Variants in NCLN observed in about 807,000 individuals in gnomAD.
The protein encoded by NCLN is BOS complex subunit NCLN.
Under a neutral mutation model 69.5 loss-of-function variants are expected in NCLN, and 34 were observed. The observed-to-expected ratio is 0.49, with a 90% CI of 0.37 to 0.65. The LOEUF (loss-of-function observed/expected upper bound fraction) is 0.65. NCLN is among the 30% of genes least tolerant of loss of function. The probability of loss-of-function intolerance (pLI) is 0.00; values close to 1 mark genes in which losing one functional copy is unlikely to be tolerated. For synonymous variants in NCLN, 393 were observed against 358.3 expected, an observed-to-expected ratio of 1.10 and a Z score of -1.09; for missense variants, 710 against 804.8, an observed-to-expected ratio of 0.88 and a Z score of 1.42.
chr19:3,196,037 T>C, intron 3 of NCLN, 146 bp from the exon 4 acceptor site: 1 of 515,580 alleles, frequency 1.9e-6, no homozygotes, highest in South Asian at 2.8e-5. Context: ...ACGGGCATCC[T>C]GTGGTATCGA....
chr19:3,199,912 G>T (rs2052700158), intron 5 of NCLN, among the ~76,000 whole-genome samples: 1 of 151,814 alleles, frequency 6.6e-6, no homozygotes, highest in South Asian at 2.1e-4. Context: ...ACGTTAGCCA[G>T]GATGGTCTCG....
At chr19:3,203,312 A>AG (rs1258973838) in intron 6 of NCLN, among the ~76,000 whole-genome samples, 4 of 152,028 alleles carry the variant, frequency 2.6e-5, no homozygotes, top group African/African-American at 4.8e-5. Flanking sequence ...CCGTCCCAAA[A>AG]GAAAAAAAAA....
intron 1 of NCLN, among the ~76,000 whole-genome samples, chr19:3,191,296 C>T (rs535776861): frequency 6.6e-6 from 1 of 152,236 alleles, no homozygotes; most frequent in South Asian, 2.1e-4. Context: ...AAACCAGAAG[C>T]CCTGGCGAGT....
In NCLN at chr19:3,206,394, G is replaced by A. The variant is rs200188235; in HGVS notation, c.1468G>A (p.Val490Met). The A allele has an allele frequency of 2.2e-5, 34 of 1,547,976 alleles. No homozygotes were observed. In the East Asian group the frequency reaches 4.6e-4, roughly 21 times the overall value. ...EHHLSRYLKDVKQHHVKADKR... is the reference protein window; with the variant it reads ...EHHLSRYLKDMKQHHVKADKR... The stretch of plus-strand genomic sequence containing the variant: ...CCACCTGAGCCGCTACCTGAAGGAC[G>A]TGAAGCAGCACCACGTCAAGGCTGA... The change falls in exon 12 of 15, where the codon GTG (valine) becomes ATG (methionine). Residue 490 changes from valine to methionine, a missense_variant. Transcript: ENST00000246117.
intron 6 of NCLN, 121 bp downstream of exon 6, chr19:3,201,747 C>T: frequency 1.2e-6 from 1 of 821,334 alleles, no homozygotes; most frequent in Non-Finnish European, 1.8e-6. Flanking sequence ...TGGGCCTGAG[C>T]CCAGGAATTG....
In NCLN at chr19:3,192,637, G is replaced by A. The variant is rs778733140; in HGVS notation, c.352G>A (p.Ala118Thr). Residue 118 changes from alanine (A) to threonine (T), a missense_variant, in exon 2 of 15, where the codon GCC (alanine) becomes ACC (threonine). Ala to Thr is a moderately conservative substitution (Grantham distance 58, BLOSUM62 0). Coordinates refer to ENST00000246117, the MANE Select transcript of NCLN (RefSeq NM_020170.4). ...VVIILPRAMA[A>T]VPQDVVRQFM... ...CATCATCCTGCCCAGGGCCATGGCC[G>A]CCGTGCCCCAGGACGTCGTCCGGGT... is the stretch of plus-strand genomic sequence containing the variant. The A allele has an allele frequency of 6.7e-5, 106 of 1,570,472 alleles. No individual in the cohort carries two copies. Among genetic ancestry groups the A allele is most frequent in the Middle Eastern group, 5.5e-4 (3 of 5,476 alleles).
chr19:3,204,110 C>T lies in NCLN; in HGVS notation c.995C>T (p.Thr332Ile), dbSNP rs139955781. ...LHVSKPPREG[T>I]LQHAFLRELE... ...GTGTCCAAGCCGCCTCGGGAGGGCA[C>T]CCTGCAGCACGCCTTCCTGCGGGAG... Residue 332 changes from threonine (T) to isoleucine (I), a missense_variant, in exon 8 of 15, where the codon ACC becomes ATC. Transcript: ENST00000246117. The T allele has an allele frequency of 7.9e-6, 12 of 1,521,634 alleles. No individual in the cohort carries two copies. The African/African-American group carries it at 1.3e-4, about 16-fold the overall frequency. The allele number at this position is 1,521,634 out of a possible 1,614,324, so 94.3% of individuals were successfully genotyped here. A position where few individuals can be genotyped will look rare whatever the true frequency, so the allele number is the denominator to read the frequency against.
chr19:3,204,776 C>T (rs1421601732), intron 9 of NCLN, 25 bp downstream of exon 9: 10 of 1,440,830 alleles, frequency 6.9e-6, no homozygotes, highest in Non-Finnish European at 9.1e-6. Context: ...ACCTGCCCGG[C>T]CCCTCCTAGG....
At chr19:3,189,205 G>A (rs1053471789) in intron 1 of NCLN, among the ~76,000 whole-genome samples, 1 of 152,216 alleles carries the variant, frequency 6.6e-6, no homozygotes, top group Non-Finnish European at 1.5e-5. Context: ...TCTCGGCTCG[G>A]TGGCCGTTCA....
Position 3,207,694 on chromosome 19 carries a change from C to T in NCLN, c.*6C>T. The T allele has an allele frequency of 6.2e-7, 1 of 1,609,910 alleles. No homozygotes were observed. The highest frequency in any genetic ancestry group is 8.5e-7 in the Non-Finnish European group (1 of 1,177,430). ...TGAAGGCCAAGACACAGTGACACAG[C>T]CACCCCCACAGCCGGAGCCCCCGCC... On this transcript the variant is annotated 3_prime_UTR_variant, in exon 15 of 15. Coordinates refer to ENST00000246117, the MANE Select transcript of NCLN (RefSeq NM_020170.4).
Position 3,205,814 on chromosome 19 carries a change from T to C in NCLN, c.1209-125T>C, listed in dbSNP as rs755376671. 1.2e-5 allele frequency: 9 copies of C among 756,400 alleles called. No homozygotes were observed. The African/African-American group carries it at 1.3e-4, about 11-fold the overall frequency. 46.9% of individuals were successfully genotyped at this position (756,400 alleles called of 1,614,324 possible). ...CCAAGTAGTTAAAGCTAAGCTTAAT[T>C]TTTTTTTTTTTTTAAAGACAGAGTC... On this transcript the variant is annotated intron_variant, in intron 9 of 14. Transcript: ENST00000246117. This position sits in a 1 kb window ranked among gnomAD's most constrained non-coding sequence, Gnocchi z 4.6.
chr19:3,186,699 G>T (rs1366864896), intron 1 of NCLN, among the ~76,000 whole-genome samples: 1 of 152,182 alleles, frequency 6.6e-6, no homozygotes, highest in Non-Finnish European at 1.5e-5. Context: ...ACTGGGTCAC[G>T]TCCGTGTTCC....
rs2144923889 is a variant in NCLN at position 3,208,412 on chromosome 19, A to T, written c.*724A>T. 1 of 145,956 alleles carries T rather than the reference A, an allele frequency of 6.9e-6. No individual in the cohort carries two copies. The highest frequency in any genetic ancestry group is 2.6e-5 in the African/African-American group (1 of 38,824). 9.0% of individuals were successfully genotyped at this position (145,956 alleles called of 1,614,324 possible). A position where few individuals can be genotyped will look rare whatever the true frequency, so the allele number is the denominator to read the frequency against. On this transcript the variant is annotated 3_prime_UTR_variant, in exon 15 of 15. Coordinates refer to ENST00000246117, the MANE Select transcript of NCLN (RefSeq NM_020170.4). The stretch of plus-strand genomic sequence containing the variant: ...CCCCTGCCTCCCCGACCCCCGACCC[A>T]CTGCAAATCCCCGTTCCCCTGCACT...
chr19:3,207,196 A>G lies in NCLN; in HGVS notation c.1500-2A>G. 2.5e-6 allele frequency: 4 copies of G among 1,613,648 alleles called. No individual in the cohort carries two copies. Among genetic ancestry groups the G allele is most frequent in the Non-Finnish European group, 3.4e-6 (4 of 1,180,006 alleles). On this transcript the variant is annotated splice_acceptor_variant, in intron 12 of 14. Coordinates refer to ENST00000246117, the MANE Select transcript of NCLN (RefSeq NM_020170.4). LOFTEE classifies it high-confidence loss of function. ...CCCCCTGAGAAAGTGCTCTCTCCCC[A>G]GGGACCCAGAGTTTGTCTTCTACGA...
Position 3,186,018 on chromosome 19 carries a change from G to C in NCLN, c.-13G>C. ...CCCAGCTGCCGCCCCGCGCGGCCCC[G>C]CCGCCGGCCAGGATGCTGGAGGAAG... On this transcript the variant is annotated 5_prime_UTR_variant, in exon 1 of 15. Transcript: ENST00000246117. The C allele has an allele frequency of 6.5e-7, 1 of 1,534,974 alleles. No homozygotes were observed. The highest frequency in any genetic ancestry group is 1.2e-5 in the South Asian group (1 of 82,508).
At chr19:3,188,110 G>C (rs1278158470) in intron 1 of NCLN, among the ~76,000 whole-genome samples, 1 of 152,046 alleles carries the variant, frequency 6.6e-6, no homozygotes, top group Non-Finnish European at 1.5e-5. Context: ...GCACCCCAAA[G>C]ACCCCACTCC....
At chr19:3,207,095 A>G in intron 12 of NCLN, 103 bp from the exon 13 acceptor site, 1 of 1,316,502 alleles carries the variant, frequency 7.6e-7, no homozygotes, top group Non-Finnish European at 1.1e-6. Context: ...AAGTGCTGGG[A>G]TTGCAGGTGT....
chr19:3,206,205 C>T lies in NCLN; in HGVS notation c.1335+15C>T. The T allele has an allele frequency of 1.1e-6, 1 of 915,984 alleles. No individual in the cohort carries two copies. The highest frequency in any genetic ancestry group is 1.5e-5 in the South Asian group (1 of 66,124). The allele number at this position is 915,984 out of a possible 1,614,324, so 56.7% of individuals were successfully genotyped here. On this transcript the variant is annotated intron_variant, in intron 11 of 14. Coordinates refer to ENST00000246117, the MANE Select transcript of NCLN (RefSeq NM_020170.4). ...CAGAGCAGATGGTAAGGGGGCCAGGCCAGTGGGTGGGTGGGTGGGCGGGGC... is the reference window on the plus strand; with the variant it reads ...CAGAGCAGATGGTAAGGGGGCCAGGTCAGTGGGTGGGTGGGTGGGCGGGGC...
intron 1 of NCLN, among the ~76,000 whole-genome samples, 154 bp downstream of exon 1, chr19:3,186,368 C>T (rs923194447): frequency 7.9e-5 from 12 of 152,258 alleles, no homozygotes; most frequent in African/African-American, 2.9e-4. Context: ...CCTGGACCCC[C>T]GGGCGCCCTG....
Sources: gnomAD v4.1 joint callset for allele counts (sites outside exome capture counted in the v4.1 genomes callset) on GRCh38, gnomAD v4.1.1 for gene constraint, Gnocchi (gnomAD v3.1) non-coding constraint, MANE v1.5 for transcripts, NCBI Gene and HGNC (gene_info 2026-07-23, HGNC 2026-07-21) for gene names.